Variants in TMEM132B observed in about 807,000 individuals in gnomAD.
TMEM132B encodes transmembrane protein 132B.
Under a neutral mutation model 90.8 loss-of-function variants are expected in TMEM132B, and 18 were observed. The ratio of observed to expected loss-of-function variants is 0.20; its 90% confidence interval spans 0.14 to 0.29. The LOEUF (loss-of-function observed/expected upper bound fraction) is 0.29. Ranked by LOEUF, TMEM132B falls within the 10% of genes least tolerant of loss-of-function variation. TMEM132B has a pLI of 1.00. For missense variants in TMEM132B, 1,096 were observed against 1,326.8 expected (o/e 0.83, Z 2.70); for synonymous variants, 504 against 523.3 (o/e 0.96, Z 0.50).
intron 2 of TMEM132B, among the ~76,000 whole-genome samples, chr12:125,361,949 GGT>G (rs1268046984): frequency 6.6e-6 from 1 of 152,192 alleles, no homozygotes; most frequent in Non-Finnish European, 1.5e-5. Context: ...AGATTATGGT[GGT>G]GGCCAATATC....
chr12:125,528,191 C>T lies in TMEM132B; in HGVS notation c.1293+8566C>T, dbSNP rs536418847. 1.8e-4 allele frequency among the ~76,000 whole-genome samples: 28 copies of T among 151,824 alleles called. No homozygotes were observed. The South Asian group carries it at 5.6e-3, about 30-fold the overall frequency. On this transcript the variant is annotated intron_variant, in intron 4 of 8. Transcript: ENST00000682704. ...TTTGCCTTTTTCCTTCAATGGTGTC[C>T]CTTCTTTAGGTTTTCTGCCCAATTA...
intron 5 of TMEM132B, among the ~76,000 whole-genome samples, chr12:125,619,344 AT>A: frequency 1.4e-5 from 1 of 70,128 alleles, no homozygotes; most frequent in Non-Finnish European, 2.6e-5. Flanking sequence ...TTATTTATTT[AT>A]TTATTTATTT....
intron 5 of TMEM132B, among the ~76,000 whole-genome samples, chr12:125,640,781 G>A (rs559148090): frequency 1.3e-4 from 20 of 152,278 alleles, no homozygotes; most frequent in East Asian, 1.2e-3. Flanking sequence ...TGGCATTACC[G>A]TGGGACTTAC....
intron 3 of TMEM132B, among the ~76,000 whole-genome samples, chr12:125,422,331 C>T (rs1378053965): frequency 6.6e-6 from 1 of 152,240 alleles, no homozygotes; most frequent in Non-Finnish European, 1.5e-5. Flanking sequence ...GCTTAAACTG[C>T]CATCCTGGGC....
At chr12:125,398,528 C>T (rs186644225) in intron 2 of TMEM132B, among the ~76,000 whole-genome samples, 1,687 of 152,192 alleles carry the variant, frequency 0.011, 19 homozygotes, top group Non-Finnish European at 0.014. Context: ...TAGGGACTGG[C>T]GGTGGGGGGG....
intron 1 of TMEM132B, among the ~76,000 whole-genome samples, chr12:125,212,735 C>T (rs1164418930): frequency 1.3e-5 from 2 of 152,044 alleles, no homozygotes; most frequent in African/African-American, 4.8e-5. Context: ...CCTCCCACCT[C>T]GATCTCCCAA....
At chr12:125,303,702 T>C (rs1875888615) in intron 1 of TMEM132B, among the ~76,000 whole-genome samples, 1 of 152,210 alleles carries the variant, frequency 6.6e-6, no homozygotes, top group Non-Finnish European at 1.5e-5. Context: ...TGGTATCTCA[T>C]TGTGGCTTTG....
At chr12:125,436,513 A>G (rs1880708765) in intron 3 of TMEM132B, among the ~76,000 whole-genome samples, 1 of 152,232 alleles carries the variant, frequency 6.6e-6, no homozygotes, top group South Asian at 2.1e-4. Flanking sequence ...GGACACAGAC[A>G]TGCACACAGG....
Position 125,415,027 on chromosome 12 carries a change from T to C in TMEM132B, c.960-504T>C, listed in dbSNP as rs381043. Among the ~76,000 whole-genome samples, 40,325 of 152,012 alleles carry C rather than the reference T, an allele frequency of 0.27. 5,906 individuals are homozygous for C. Among genetic ancestry groups the C allele is most frequent in the South Asian group, 0.44 (2,134 of 4,810 alleles). On this transcript the variant is annotated intron_variant, in intron 2 of 8. Transcript: ENST00000682704. The surrounding 1 kb of genome is among the most constrained non-coding windows in gnomAD (Gnocchi z 5.3). ...TTATCCTGCCTGAATGCCACATTTG[T>C]TCTTCAAACACCTGAGGACTGGGTG...
chr12:125,202,206 A>G (rs901074128), intron 1 of TMEM132B, among the ~76,000 whole-genome samples: 1 of 152,252 alleles, frequency 6.6e-6, no homozygotes, highest in Non-Finnish European at 1.5e-5. Flanking sequence ...GCTGGGGAAG[A>G]AGTCTTCCTT....
Position 125,458,731 on chromosome 12 carries a change from C to G in TMEM132B, c.1106+43054C>G, listed in dbSNP as rs934629575. Among the ~76,000 whole-genome samples, 13 of 152,212 alleles carry G rather than the reference C, an allele frequency of 8.5e-5. No homozygotes were observed. Among genetic ancestry groups the G allele is most frequent in the South Asian group, 2.1e-4 (1 of 4,834 alleles). On this transcript the variant is annotated intron_variant, in intron 3 of 8. Coordinates refer to ENST00000682704, the MANE Select transcript of TMEM132B (RefSeq NM_001366854.1). This position sits in a 1 kb window ranked among gnomAD's most constrained non-coding sequence, Gnocchi z 4.9. The stretch of plus-strand genomic sequence containing the variant: ...TGTTCCCGCCTGCACTGCTGTCACA[C>G]TGGGTGGTGTTGTCAGGGTGACTCA...
Position 125,634,139 on chromosome 12 carries a change from A to G in TMEM132B, c.1438-9937A>G, listed in dbSNP as rs550156602. Among the ~76,000 whole-genome samples, 213 of 152,286 alleles carry G rather than the reference A, an allele frequency of 1.4e-3. No homozygotes were observed. The Middle Eastern group carries it at 0.024, about 17-fold the overall frequency. On this transcript the variant is annotated intron_variant, in intron 5 of 8. Transcript: ENST00000682704. ...TTGTAGCTAAGATGGCACTCAAACC[A>G]CTAGACGCAGTCCTTCCCCCTCTTC...
At chr12:125,271,211 C>T (rs953962266) in intron 1 of TMEM132B, among the ~76,000 whole-genome samples, 1 of 152,168 alleles carries the variant, frequency 6.6e-6, no homozygotes, top group Non-Finnish European at 1.5e-5. Context: ...TCAAGGGATC[C>T]TCCTGCCTCA....
At chr12:125,318,609 CATG>C (rs1294922536) in intron 1 of TMEM132B, among the ~76,000 whole-genome samples, 1 of 151,956 alleles carries the variant, frequency 6.6e-6, no homozygotes, top group African/African-American at 2.4e-5. Context: ...TAAGTGAGAA[CATG>C]AAGTGTTTGG....
intron 1 of TMEM132B, among the ~76,000 whole-genome samples, chr12:125,273,146 T>C (rs1450296871): frequency 6.6e-6 from 1 of 152,212 alleles, no homozygotes; most frequent in African/African-American, 2.4e-5. Flanking sequence ...TAGTGCCCTT[T>C]TGAACACACA....
At chr12:125,600,526 T>A (rs1885543720) in intron 5 of TMEM132B, among the ~76,000 whole-genome samples, 1 of 152,242 alleles carries the variant, frequency 6.6e-6, no homozygotes, top group South Asian at 2.1e-4. Context: ...ATTGTTTATA[T>A]CTGCATCCAC....
intron 6 of TMEM132B, among the ~76,000 whole-genome samples, chr12:125,648,100 G>C (rs1317521116): frequency 4.9e-5 from 6 of 122,046 alleles, no homozygotes; most frequent in Non-Finnish European, 9.4e-5. Context: ...TCCCCTTCCT[G>C]TGACCATGTG....
Position 125,393,619 on chromosome 12 carries a change from G to A in TMEM132B, c.960-21912G>A, listed in dbSNP as rs191967411. On this transcript the variant is annotated intron_variant, in intron 2 of 8. Transcript: ENST00000682704. ...ACGGTATATGCGAACACCCACATCA[G>A]TCGGGGTTCAGGCAGGAACAGCTGG... Among the ~76,000 whole-genome samples the A allele has an allele frequency of 4.7e-3, 712 of 152,282 alleles. 1 individual carries two copies. The highest frequency in any genetic ancestry group is 7.7e-3 in the Non-Finnish European group (526 of 68,022).
intron 2 of TMEM132B, among the ~76,000 whole-genome samples, chr12:125,356,589 C>A (rs564447460): frequency 6.6e-6 from 1 of 152,352 alleles, no homozygotes; most frequent in African/African-American, 2.4e-5. Flanking sequence ...TGACCCAGGT[C>A]TAAGCCAGCA....
Sources: allele counts gnomAD v4.1 joint callset (sites outside exome capture counted in the v4.1 genomes callset), GRCh38; gene constraint gnomAD v4.1.1; non-coding constraint Gnocchi (gnomAD v3.1); transcripts MANE v1.5; gene names NCBI Gene and HGNC (gene_info 2026-07-23, HGNC 2026-07-21).